The following LRRC4C variants were observed in gnomAD, a reference collection of about 807,000 sequenced individuals.
LRRC4C encodes the protein leucine-rich repeat-containing protein 4C.
A neutral mutation model predicts 33.6 loss-of-function variants in LRRC4C; 5 were observed. The ratio of observed to expected loss-of-function variants is 0.15; its 90% CI spans 0.08 to 0.31. LRRC4C has a LOEUF of 0.31. LRRC4C is among the 10% of genes least tolerant of loss of function. The probability of loss-of-function intolerance (pLI) is 1.00; values close to 1 mark genes in which losing one functional copy is unlikely to be tolerated. For synonymous variants in LRRC4C, 329 were observed against 302.0 expected (o/e 1.09, Z -0.93); for missense variants, 560 against 796.7 (o/e 0.70, Z 3.58).
At chr11:41,018,647 TC>T (rs752984098) in intron 1 of LRRC4C, among the ~76,000 whole-genome samples, 2 of 152,152 alleles carry the variant, frequency 1.3e-5, no homozygotes, top group Non-Finnish European at 2.9e-5. Flanking sequence ...ACAAAGGCAC[TC>T]CTTTGGCATA....
At chr11:40,698,464 T>C (rs1945691164) in intron 2 of LRRC4C, among the ~76,000 whole-genome samples, 1 of 152,126 alleles carries the variant, frequency 6.6e-6, no homozygotes, top group Non-Finnish European at 1.5e-5. Flanking sequence ...TTTTTCCTTT[T>C]TTTCTTCCCC....
intron 4 of LRRC4C, among the ~76,000 whole-genome samples, chr11:40,304,771 G>C (rs575297435): frequency 1.4e-5 from 2 of 146,170 alleles, no homozygotes; most frequent in African/African-American, 5.1e-5. Flanking sequence ...TTGCTCTGTC[G>C]CCCAGGCTGG....
chr11:41,070,091 C>T (rs769273887), intron 1 of LRRC4C, among the ~76,000 whole-genome samples: 1 of 152,074 alleles, frequency 6.6e-6, no homozygotes, highest in Admixed American at 6.5e-5. Context: ...TGGAACAAAA[C>T]AGGGACTTCA....
At chr11:40,505,233 G>C (rs979762553) in intron 3 of LRRC4C, among the ~76,000 whole-genome samples, 5 of 152,080 alleles carry the variant, frequency 3.3e-5, no homozygotes, top group African/African-American at 1.2e-4. Context: ...CCCTGGGTGG[G>C]TATGGCTTAT....
At chr11:40,525,996 C>G (rs1956032444) in intron 3 of LRRC4C, among the ~76,000 whole-genome samples, 1 of 151,894 alleles carries the variant, frequency 6.6e-6, no homozygotes, top group South Asian at 2.1e-4. Flanking sequence ...AAGGCTTGGT[C>G]TTTTAATAAA....
chr11:40,599,179 T>C (rs80183516), intron 3 of LRRC4C, among the ~76,000 whole-genome samples: 3,125 of 152,182 alleles, frequency 0.021, 103 homozygotes, highest in African/African-American at 0.072. Flanking sequence ...TCAGGCATGG[T>C]GACTCATGTC....
intron 1 of LRRC4C, among the ~76,000 whole-genome samples, chr11:41,243,353 A>C (rs1213642599): frequency 6.6e-6 from 1 of 152,038 alleles, no homozygotes; most frequent in African/African-American, 2.4e-5. Context: ...TATTTTGTCA[A>C]ACAATTTCAC....
At chr11:40,875,446 A>T (rs2135971665) in intron 2 of LRRC4C, among the ~76,000 whole-genome samples, 1 of 152,310 alleles carries the variant, frequency 6.6e-6, no homozygotes, top group East Asian at 1.9e-4. Context: ...AGGGCGTTAC[A>T]TGCACTGATT....
chr11:41,417,886 T>C (rs1404679912), intron 1 of LRRC4C, among the ~76,000 whole-genome samples: 1 of 151,800 alleles, frequency 6.6e-6, no homozygotes, highest in Non-Finnish European at 1.5e-5. Context: ...CTAATATTTC[T>C]TTTCTCAACA....
At chr11:40,485,507 A>G (rs570409768) in intron 3 of LRRC4C, among the ~76,000 whole-genome samples, 1 of 152,076 alleles carries the variant, frequency 6.6e-6, no homozygotes, top group Non-Finnish European at 1.5e-5. Flanking sequence ...CAAGTCCCTA[A>G]TGAACTCATT....
chr11:41,008,305 C>T (rs1162757670), intron 1 of LRRC4C, among the ~76,000 whole-genome samples: 2 of 152,054 alleles, frequency 1.3e-5, no homozygotes, highest in East Asian at 3.9e-4. Flanking sequence ...TTAGAACCAC[C>T]CTAACTCTTT....
At chr11:40,579,593 A>G (rs1445272539) in intron 3 of LRRC4C, among the ~76,000 whole-genome samples, 3 of 152,166 alleles carry the variant, frequency 2.0e-5, no homozygotes, top group Non-Finnish European at 2.9e-5. Flanking sequence ...GTCTAGTTTT[A>G]GAACATTTTC....
chr11:40,200,674 A>C (rs1210328826), intron 5 of LRRC4C, among the ~76,000 whole-genome samples: 3 of 145,782 alleles, frequency 2.1e-5, no homozygotes, highest in Non-Finnish European at 3.0e-5. Context: ...TTGGTCATAC[A>C]TACATTGCTT....
chr11:40,933,243 G>A (rs1201477949), intron 2 of LRRC4C, among the ~76,000 whole-genome samples: 9 of 152,208 alleles, frequency 5.9e-5, no homozygotes, highest in Non-Finnish European at 1.3e-4. Context: ...AAGCAGAGCA[G>A]TTACAAGAGA....
intron 4 of LRRC4C, among the ~76,000 whole-genome samples, chr11:40,285,307 T>C (rs1317877607): frequency 2.0e-5 from 3 of 152,164 alleles, no homozygotes; most frequent in African/African-American, 7.2e-5. Flanking sequence ...TAAAGTGATA[T>C]CAATAAAGTG....
rs1451279309 is a variant in LRRC4C at position 40,140,833 on chromosome 11, G to A, written c.-75C>T. 1 of 144,174 alleles carries A rather than the reference G, an allele frequency of 6.9e-6. No individual in the cohort carries two copies. Among genetic ancestry groups the A allele is most frequent in the Non-Finnish European group, 1.5e-5 (1 of 66,998 alleles). The allele number at this position is 144,174 out of a possible 1,614,324, so 8.9% of individuals were successfully genotyped here. On this transcript the variant is annotated 5_prime_UTR_variant, in exon 6 of 7. Coordinates refer to ENST00000528697, the MANE Select transcript of LRRC4C (RefSeq NM_001258419.2). ...TCCACTGGGGGTCTCTATGCTGTAAGTAGGCAGTGCGTTTGCCAATCTAAA... is the reference window on the plus strand; with the variant it reads ...TCCACTGGGGGTCTCTATGCTGTAAATAGGCAGTGCGTTTGCCAATCTAAA...
At chr11:40,437,484 G>A (rs11035838) in intron 3 of LRRC4C, among the ~76,000 whole-genome samples, 7 of 149,500 alleles carry the variant, frequency 4.7e-5, no homozygotes, top group South Asian at 2.1e-4. Context: ...GCCTCTGCCC[G>A]CCATGTTCCA....
At chr11:40,304,408 G>A (rs1322760929) in intron 4 of LRRC4C, among the ~76,000 whole-genome samples, 2 of 152,144 alleles carry the variant, frequency 1.3e-5, no homozygotes, top group African/African-American at 2.4e-5. Context: ...GTAGATTAAT[G>A]GCACCCACTG....
At chr11:40,996,668 A>G (rs1853996626) in intron 1 of LRRC4C, among the ~76,000 whole-genome samples, 1 of 152,152 alleles carries the variant, frequency 6.6e-6, no homozygotes, top group Admixed American at 6.6e-5. Context: ...TGCAGAGTGT[A>G]CAAGAAGCAT....
Sources: allele counts gnomAD v4.1 joint callset (sites outside exome capture counted in the v4.1 genomes callset), GRCh38; gene constraint gnomAD v4.1.1; transcripts MANE v1.5; gene names NCBI Gene and HGNC (gene_info 2026-07-23, HGNC 2026-07-21).